The following SGPP1 variants were observed in gnomAD, a reference collection of about 807,000 sequenced individuals.
SGPP1 encodes sphingosine-1-phosphate phosphatase 1.
Under a neutral mutation model 33.0 loss-of-function variants are expected in SGPP1, and 21 were observed. That is an observed-to-expected ratio of 0.64 (90% CI 0.45 to 0.92). SGPP1 has a LOEUF of 0.92. Ranked by LOEUF, SGPP1 falls within the 40% of genes least tolerant of loss-of-function variation. SGPP1 has a pLI of 0.00. For synonymous variants in SGPP1, 239 were observed against 241.2 expected (o/e 0.99, Z 0.08); for missense variants, 543 against 589.4 (o/e 0.92, Z 0.81).
At chr14:63,712,917 C>CAA (rs56797705) in intron 1 of SGPP1, among the ~76,000 whole-genome samples, 5,291 of 63,618 alleles carry the variant, frequency 0.083, 181 homozygotes, top group South Asian at 0.13. Flanking sequence ...AACTCTGTCT[C>CAA]AAAAAAAAAA....
rs1401680963 is a variant in SGPP1, at chr14:63,727,832, T to C, written c.113A>G (p.Asp38Gly). The C allele has an allele frequency of 2.6e-6, 4 of 1,510,462 alleles. No individual in the cohort carries two copies. The highest frequency in any genetic ancestry group is 3.5e-6 in the Non-Finnish European group (4 of 1,135,826). 93.6% of individuals were successfully genotyped at this position (1,510,462 alleles called of 1,614,324 possible). A position where few individuals can be genotyped will look rare whatever the true frequency, so the allele number is the denominator to read the frequency against. ...GVEAPPRRSA[D>G]RREDEKAEAP... ...CTCCGCTTTCTCATCCTCCCTCCGG[T>C]CTGCTGAGCGGCGCGGCGGCGCTTC... The change falls in exon 1 of 3, where the codon GAC (aspartate) becomes GGC (glycine). Residue 38 changes from aspartate (D) to glycine (G), a missense_variant. Transcript: ENST00000247225.
rs1884936538 is a variant in SGPP1, at chr14:63,684,767, T to C, written c.*1338A>G. ...ACGTAAGTACAACCACACTTCAAAATATAAAGGTAGACAGAAAAAAGAATA... is the reference window on the plus strand; with the variant it reads ...ACGTAAGTACAACCACACTTCAAAACATAAAGGTAGACAGAAAAAAGAATA... On this transcript the variant is annotated 3_prime_UTR_variant, in exon 3 of 3. Transcript: ENST00000247225. 6.6e-6 allele frequency: 1 copy of C among 152,344 alleles called. No individual in the cohort carries two copies. The highest frequency in any genetic ancestry group is 6.6e-5 in the Admixed American group (1 of 15,236). 9.4% of individuals were successfully genotyped at this position (152,344 alleles called of 1,614,324 possible).
intron 1 of SGPP1, among the ~76,000 whole-genome samples, chr14:63,718,613 C>G (rs1469764516): frequency 1.3e-5 from 2 of 151,828 alleles, no homozygotes; most frequent in Non-Finnish European, 2.9e-5. Flanking sequence ...TATACTGTTG[C>G]AAGGTTCTGA....
At chr14:63,718,977 CATATATATAT>C (rs1221455081) in intron 1 of SGPP1, among the ~76,000 whole-genome samples, 771 of 26,916 alleles carry the variant, frequency 0.029, 19 homozygotes, top group Middle Eastern at 0.042. Flanking sequence ...TATGTATATA[CATATATATAT>C]ATATATATAT....
At chr14:63,720,692 G>A (rs930552487) in intron 1 of SGPP1, among the ~76,000 whole-genome samples, 3 of 152,086 alleles carry the variant, frequency 2.0e-5, no homozygotes, top group African/African-American at 4.8e-5. Flanking sequence ...CCTGGGAGCC[G>A]GAGGTTGCGG....
intron 1 of SGPP1, among the ~76,000 whole-genome samples, chr14:63,718,977 C>CAT (rs1221455081): frequency 0.03 from 812 of 26,942 alleles, 10 homozygotes; most frequent in Middle Eastern, 0.083. Context: ...TATGTATATA[C>CAT]ATATATATAT....
intron 1 of SGPP1, among the ~76,000 whole-genome samples, chr14:63,724,616 T>TA (rs34386504): frequency 0.043 from 3,645 of 84,518 alleles, 91 homozygotes; most frequent in African/African-American, 0.065. Flanking sequence ...CAAGGATCTT[T>TA]AAAAAAAAAA....
chr14:63,698,707 T>C, intron 1 of SGPP1, 49 bp from the exon 2 acceptor site: 1 of 1,052,454 alleles, frequency 9.5e-7, no homozygotes, highest in Non-Finnish European at 1.4e-6. Flanking sequence ...AAGTTAGATA[T>C]AAACAAACAA....
intron 2 of SGPP1, 54 bp from the exon 3 acceptor site, chr14:63,686,710 T>A: frequency 7.9e-7 from 1 of 1,267,424 alleles, no homozygotes; most frequent in Non-Finnish European, 1.1e-6. Context: ...ATTTTTGGCA[T>A]TTAAAAAATA....
intron 2 of SGPP1, among the ~76,000 whole-genome samples, chr14:63,688,960 A>G (rs1885039849): frequency 6.6e-6 from 1 of 152,002 alleles, no homozygotes; most frequent in Non-Finnish European, 1.5e-5. Flanking sequence ...TGACCTCGTG[A>G]TCCTCCCGCC....
rs114101623 is a variant in SGPP1, at chr14:63,700,781, C to A, written c.685-2123G>T. Among the ~76,000 whole-genome samples the A allele has an allele frequency of 5.9e-3, 896 of 152,236 alleles. 6 individuals carry two copies. The highest frequency in any genetic ancestry group is 0.021 in the African/African-American group (862 of 41,540). Reference sequence around the variant, plus strand: ...ATTCACTTACATTAGGGTCATGCAACTAATTTTGGCCAGTGAGCTGGGGAA... The same window carrying A: ...ATTCACTTACATTAGGGTCATGCAAATAATTTTGGCCAGTGAGCTGGGGAA... On this transcript the variant is annotated intron_variant, in intron 1 of 2. Coordinates refer to ENST00000247225, the MANE Select transcript of SGPP1 (RefSeq NM_030791.4).
At chr14:63,695,277 C>T (rs1595062811) in intron 2 of SGPP1, among the ~76,000 whole-genome samples, 1 of 152,162 alleles carries the variant, frequency 6.6e-6, no homozygotes, top group South Asian at 2.1e-4. Context: ...AGGATGGTCT[C>T]GATCTTCTGA....
intron 1 of SGPP1, among the ~76,000 whole-genome samples, chr14:63,710,221 C>T (rs772538135): frequency 7.2e-5 from 11 of 152,086 alleles, no homozygotes; most frequent in Non-Finnish European, 1.5e-4. Context: ...TGTCAATACA[C>T]AGAAGAGCTC....
rs772364457 is a variant in SGPP1 at position 63,686,088 on chromosome 14, T to C, written c.*17A>G. 9 of 1,486,264 alleles carry C rather than the reference T, an allele frequency of 6.1e-6. No individual in the cohort carries two copies. The highest frequency in any genetic ancestry group is 1.3e-5 in the South Asian group (1 of 75,314). 92.1% of individuals were successfully genotyped at this position (1,486,264 alleles called of 1,614,324 possible). On this transcript the variant is annotated 3_prime_UTR_variant, in exon 3 of 3. Coordinates refer to ENST00000247225, the MANE Select transcript of SGPP1 (RefSeq NM_030791.4). ...TAACTGATACCCTCCTTTCTTATCA[T>C]AAACAATACTTCTCCATCAAGAGAT...
At chr14:63,706,460 T>C (rs1300931297) in intron 1 of SGPP1, among the ~76,000 whole-genome samples, 1 of 152,088 alleles carries the variant, frequency 6.6e-6, no homozygotes, top group Non-Finnish European at 1.5e-5. Flanking sequence ...AAACCAAAAA[T>C]AAACATATCC....
At chr14:63,702,108 T>G (rs1033706192) in intron 1 of SGPP1, among the ~76,000 whole-genome samples, 6 of 151,872 alleles carry the variant, frequency 4.0e-5, no homozygotes, top group African/African-American at 1.5e-4. Context: ...AAGCTAGAGG[T>G]GAAGGTAGGA....
intron 1 of SGPP1, among the ~76,000 whole-genome samples, chr14:63,701,948 T>TAAA (rs1251022184): frequency 0.028 from 3,015 of 107,242 alleles, 120 homozygotes; most frequent in African/African-American, 0.092. Context: ...CCAAAAGAAG[T>TAAA]AAAAAAAAAA....
Position 63,727,792 on chromosome 14 carries a change from T to G in SGPP1, c.153A>C (p.Gly51=). 4.7e-6 allele frequency: 7 copies of G among 1,505,110 alleles called. No individual in the cohort carries two copies. The highest frequency in any genetic ancestry group is 5.3e-6 in the Non-Finnish European group (6 of 1,133,486). 93.2% of individuals were successfully genotyped at this position (1,505,110 alleles called of 1,614,324 possible). The part of the protein sequence containing the change: ...EDEKAEAPLA[G]DPRLRGRQPG... ...GCTGCCGCCCTCGCAGTCGAGGGTCTCCGGCGAGAGGCGCCTCCGCTTTCT... is the reference window on the plus strand; with the variant it reads ...GCTGCCGCCCTCGCAGTCGAGGGTCGCCGGCGAGAGGCGCCTCCGCTTTCT... The change falls in exon 1 of 3, where the codon GGA becomes GGC. Residue 51 remains glycine (G), a synonymous_variant. Coordinates refer to ENST00000247225, the MANE Select transcript of SGPP1 (RefSeq NM_030791.4).
intron 2 of SGPP1, among the ~76,000 whole-genome samples, chr14:63,688,315 C>CAAAAAAAAAAAAAAAAAAAAAAA (rs71120275): frequency 3.2e-5 from 1 of 31,416 alleles, no homozygotes; most frequent in African/African-American, 9.9e-5. Context: ...GACTCTGTCT[C>CAAAAAAAAAAAAAAAAAAAAAAA]AAAAAAAAAA....
Sources: gnomAD v4.1 joint callset for allele counts (sites outside exome capture counted in the v4.1 genomes callset) on GRCh38, gnomAD v4.1.1 for gene constraint, MANE v1.5 for transcripts, NCBI Gene and HGNC (gene_info 2026-07-23, HGNC 2026-07-21) for gene names.